Variants in FAM120B observed in about 807,000 individuals in gnomAD.
FAM120B encodes constitutive coactivator of peroxisome proliferator-activated receptor gamma.
FAM120B carries 83 observed loss-of-function variants against 96.3 expected under a neutral mutation model. The ratio of observed to expected loss-of-function variants is 0.86; its 90% CI spans 0.72 to 1.03. The LOEUF (loss-of-function observed/expected upper bound fraction) is 1.03. Among genes scored for constraint, FAM120B ranks in the 50% least tolerant of loss-of-function variants. The pLI, the probability that FAM120B is intolerant of heterozygous loss-of-function variation, is 0.00. For missense variants in FAM120B, 1,027 were observed against 1,121.2 expected (o/e 0.92, Z 1.20); for synonymous variants, 407 against 402.7 (o/e 1.01, Z -0.13).
intron 8 of FAM120B, among the ~76,000 whole-genome samples, chr6:170,392,866 A>G (rs546213892): frequency 6.6e-6 from 1 of 152,326 alleles, no homozygotes; most frequent in East Asian, 1.9e-4. Context: ...TGCTTTTTCT[A>G]CTGTTCCCAA....
In FAM120B at chr6:170,361,237, C is replaced by CGTATATATATATATAT. The variant is rs1471508579; in HGVS notation, c.2283+2919_2283+2920insGTATATATATATATAT. 5.4e-4 allele frequency among the ~76,000 whole-genome samples: 29 copies of CGTATATATATATATAT among 54,054 alleles called. 3 individuals carry two copies. In the South Asian group the frequency reaches 0.012, roughly 22 times the overall value. 35.5% of individuals were successfully genotyped at this position (54,054 alleles called of 152,430 possible). On this transcript the variant is annotated intron_variant, in intron 6 of 10. Transcript: ENST00000476287. Reference sequence around the variant, plus strand: ...ATATATATATATATATATATATATACACGTATATATATATATACGTGTATA... The same window carrying CGTATATATATATATAT: ...ATATATATATATATATATATATATACGTATATATATATATATACGTATATATATATATACGTGTATA...
chr6:170,319,269 G>A (rs1785138947), intron 2 of FAM120B, 145 bp downstream of exon 2: 5 of 730,546 alleles, frequency 6.8e-6, no homozygotes, highest in East Asian at 2.7e-5. Flanking sequence ...GAAGTGTGAC[G>A]TTATATGTGT....
chr6:170,294,485 A>G (rs890911681), upstream of FAM120B, among the ~76,000 whole-genome samples: 2 of 152,104 alleles, frequency 1.3e-5, no homozygotes, highest in African/African-American at 4.8e-5. The surrounding 1 kb of genome is among the most constrained non-coding windows in gnomAD (Gnocchi z 7.9). Context: ...AGCCACAGCA[A>G]CCACATGTGG....
At chr6:170,403,208 C>T (rs1316559461) in intron 9 of FAM120B, among the ~76,000 whole-genome samples, 2 of 152,064 alleles carry the variant, frequency 1.3e-5, no homozygotes, top group Admixed American at 1.3e-4. Context: ...TCAGAGATTC[C>T]AGTATAAAGT....
rs1788568867 is a variant in FAM120B, at chr6:170,363,147, A to G, written c.2283+4829A>G. 6.6e-6 allele frequency among the ~76,000 whole-genome samples: 1 copy of G among 152,150 alleles called. No homozygotes were observed. The highest frequency in any genetic ancestry group is 6.5e-5 in the Admixed American group (1 of 15,278). ...TGGCTTTGTCTCCAGCCCGCTCTCC[A>G]GGTGGAGGCTCTGACTGTTAGGGAA... On this transcript the variant is annotated intron_variant, in intron 6 of 10. Coordinates refer to ENST00000476287, the MANE Select transcript of FAM120B (RefSeq NM_032448.3). The surrounding 1 kb of genome is among the most constrained non-coding windows in gnomAD (Gnocchi z 4.5).
intron 6 of FAM120B, among the ~76,000 whole-genome samples, chr6:170,365,088 G>T (rs1788696181): frequency 6.6e-6 from 1 of 152,254 alleles, no homozygotes; most frequent in African/African-American, 2.4e-5. Context: ...ACGTACTCCT[G>T]CCGAAACCCC....
intron 4 of FAM120B, among the ~76,000 whole-genome samples, chr6:170,340,843 G>A (rs1444133395): frequency 2.0e-5 from 3 of 152,198 alleles, no homozygotes; most frequent in Admixed American, 6.5e-5. Context: ...ATTGCTGCCT[G>A]CTCCTTCCTG....
intron 9 of FAM120B, among the ~76,000 whole-genome samples, chr6:170,399,092 G>C (rs1384560654): frequency 6.7e-6 from 1 of 148,466 alleles, no homozygotes. Flanking sequence ...TTAGGAGTGA[G>C]TGGGGAAGGT....
chr6:170,290,940 G>A, upstream of FAM120B: 1 of 698,938 alleles, frequency 1.4e-6, no homozygotes, highest in Non-Finnish European at 2.6e-6. This position sits in a 1 kb window ranked among gnomAD's most constrained non-coding sequence, Gnocchi z 4.7. Flanking sequence ...GCTCTCGCCG[G>A]CGCCTGCCGC....
intron 4 of FAM120B, among the ~76,000 whole-genome samples, chr6:170,339,045 G>A (rs1311568441): frequency 6.6e-6 from 1 of 150,986 alleles, no homozygotes; most frequent in African/African-American, 2.4e-5. Flanking sequence ...ATATTGTTAT[G>A]TGTCATCATG....
chr6:170,360,316 G>A (rs1226307907), intron 6 of FAM120B, among the ~76,000 whole-genome samples: 1 of 152,030 alleles, frequency 6.6e-6, no homozygotes, highest in Non-Finnish European at 1.5e-5. Context: ...TTTAAATGCA[G>A]CAGAAGGTGT....
At chr6:170,349,650 C>T (rs1406740039) in intron 5 of FAM120B, among the ~76,000 whole-genome samples, 1 of 152,082 alleles carries the variant, frequency 6.6e-6, no homozygotes, top group East Asian at 1.9e-4. Context: ...CAAGACGTAG[C>T]AGATTATAAA....
At position 170,317,556 on chromosome 6, in the gene FAM120B, G is replaced by C; in HGVS notation, c.166G>C (p.Glu56Gln). Residue 56 changes from glutamate to glutamine, a missense_variant, in exon 2 of 11, where the codon GAA becomes CAA. By Grantham distance (29) the Glu-to-Gln change is conservative. Coordinates refer to ENST00000476287, the MANE Select transcript of FAM120B (RefSeq NM_032448.3). ...TTGTCTCAGATATTGGTATACTCCA[G>C]AATCTTGGATCTGCGGTGGCCAGTG... ...MCCLRYWYTP[E>Q]SWICGGQWRE... 1 of 1,614,218 alleles carries C rather than the reference G, an allele frequency of 6.2e-7. No individual in the cohort carries two copies. Among genetic ancestry groups the C allele is most frequent in the East Asian group, 2.2e-5 (1 of 44,888 alleles).
intron 4 of FAM120B, among the ~76,000 whole-genome samples, chr6:170,331,522 A>C (rs1786033718): frequency 6.6e-6 from 1 of 152,200 alleles, no homozygotes. Context: ...AGAGAAACAT[A>C]ATTAGAATGC....
At chr6:170,374,328 T>G (rs953170712) in intron 6 of FAM120B, among the ~76,000 whole-genome samples, 6 of 152,178 alleles carry the variant, frequency 3.9e-5, no homozygotes, top group Non-Finnish European at 8.8e-5. Context: ...AATGGGAGCA[T>G]GGAAAGTTTG....
At chr6:170,365,610 T>C (rs930320260) in intron 6 of FAM120B, among the ~76,000 whole-genome samples, 1 of 152,192 alleles carries the variant, frequency 6.6e-6, no homozygotes, top group African/African-American at 2.4e-5. Context: ...GAACTAGATG[T>C]GTCCTCCTGA....
chr6:170,325,408 C>T (rs1785526951), intron 3 of FAM120B, among the ~76,000 whole-genome samples: 1 of 152,086 alleles, frequency 6.6e-6, no homozygotes, highest in Admixed American at 6.5e-5. Flanking sequence ...TTAGGGCTCA[C>T]TCTTCCGTTT....
At chr6:170,356,589 C>T (rs1250598040) in intron 5 of FAM120B, among the ~76,000 whole-genome samples, 2 of 152,118 alleles carry the variant, frequency 1.3e-5, no homozygotes, top group East Asian at 3.9e-4. Context: ...ATGCCAAAAT[C>T]CATGCATCCT....
chr6:170,394,098 C>A (rs1455562084), intron 8 of FAM120B, among the ~76,000 whole-genome samples: 1 of 152,300 alleles, frequency 6.6e-6, no homozygotes. Flanking sequence ...GAGCATGTCA[C>A]CAGTCCTGCA....
Sources: gnomAD v4.1 joint callset for allele counts (sites outside exome capture counted in the v4.1 genomes callset) on GRCh38, gnomAD v4.1.1 for gene constraint, Gnocchi (gnomAD v3.1) non-coding constraint, MANE v1.5 for transcripts, NCBI Gene and HGNC (gene_info 2026-07-23, HGNC 2026-07-21) for gene names.